The following NSMCE2 variants were observed in gnomAD, a reference collection of about 807,000 sequenced individuals.
NSMCE2 encodes the protein E3 SUMO-protein ligase NSE2.
Under a neutral mutation model 23.8 loss-of-function variants are expected in NSMCE2, and 24 were observed. The observed-to-expected ratio is 1.01, with a 90% CI of 0.73 to 1.42. The LOEUF (loss-of-function observed/expected upper bound fraction) is 1.42, where lower values mean the gene tolerates loss of function less well. NSMCE2 is among the 40% of genes most tolerant of loss of function. NSMCE2 has a pLI of 0.00. For synonymous variants in NSMCE2, 92 were observed against 94.1 expected, an observed-to-expected ratio of 0.98 and a Z score of 0.13; for missense variants, 284 against 296.5, an observed-to-expected ratio of 0.96 and a Z score of 0.31.
chr8:125,182,298 A>G, intron 5 of NSMCE2, 42 bp downstream of exon 5: 1 of 1,507,832 alleles, frequency 6.6e-7, no homozygotes, highest in Non-Finnish European at 9.1e-7. Flanking sequence ...TTTTGAAATT[A>G]GGGAACTGAC....
chr8:125,110,729 C>T (rs189368393), intron 3 of NSMCE2, among the ~76,000 whole-genome samples: 198 of 143,478 alleles, frequency 1.4e-3, no homozygotes, highest in Non-Finnish European at 2.1e-3. Flanking sequence ...TGACATTTAG[C>T]GACGTTTTGC....
At chr8:125,115,959 G>C (rs1236052628) in intron 3 of NSMCE2, among the ~76,000 whole-genome samples, 2 of 152,120 alleles carry the variant, frequency 1.3e-5, no homozygotes, top group Admixed American at 1.3e-4. Context: ...GGGAAATTAG[G>C]CTCATTGAAT....
At chr8:125,186,952 A>G (rs1455223155) in intron 5 of NSMCE2, among the ~76,000 whole-genome samples, 1 of 152,240 alleles carries the variant, frequency 6.6e-6, no homozygotes, top group African/African-American at 2.4e-5. Context: ...TAGATATAAC[A>G]TCTTTGAACA....
At chr8:125,106,979 G>A (rs1818493426) in intron 3 of NSMCE2, among the ~76,000 whole-genome samples, 1 of 151,554 alleles carries the variant, frequency 6.6e-6, no homozygotes, top group South Asian at 2.1e-4. Flanking sequence ...CTAAGTGAAA[G>A]GGCAAAATTC....
At chr8:125,209,905 C>G (rs1042882246) in intron 5 of NSMCE2, among the ~76,000 whole-genome samples, 1 of 152,182 alleles carries the variant, frequency 6.6e-6, no homozygotes, top group African/African-American at 2.4e-5. Flanking sequence ...ACAGAGTGAT[C>G]ATAAGTTGAA....
intron 5 of NSMCE2, among the ~76,000 whole-genome samples, chr8:125,200,451 A>AT (rs1166032644): frequency 6.6e-6 from 1 of 152,210 alleles, no homozygotes; most frequent in Non-Finnish European, 1.5e-5. Flanking sequence ...TTGGCTGGAT[A>AT]TGAGATTCTG....
At chr8:125,316,608 C>T (rs13259646) in intron 5 of NSMCE2, among the ~76,000 whole-genome samples, 66,623 of 149,250 alleles carry the variant, frequency 0.45, 17,373 homozygotes, top group Middle Eastern at 0.56. Context: ...TTCCTTCTTT[C>T]CTTTCTTTAT....
chr8:125,354,678 G>T (rs1201241022), intron 5 of NSMCE2, among the ~76,000 whole-genome samples: 1 of 152,136 alleles, frequency 6.6e-6, no homozygotes, highest in Non-Finnish European at 1.5e-5. Context: ...CTGGTTTAGG[G>T]GACAGCAAGC....
At chr8:125,151,107 G>A (rs1586520652) in intron 3 of NSMCE2, 64 bp from the exon 4 acceptor site, 2 of 800,068 alleles carry the variant, frequency 2.5e-6, no homozygotes, top group Non-Finnish European at 4.3e-6. Context: ...TTGTATTGAT[G>A]CAACTTTTTC....
At chr8:125,240,817 AG>A (rs898297347) in intron 5 of NSMCE2, among the ~76,000 whole-genome samples, 8 of 152,166 alleles carry the variant, frequency 5.3e-5, no homozygotes, top group African/African-American at 1.9e-4. Context: ...GGTTTTTGAC[AG>A]CCTGAAAATC....
chr8:125,131,955 A>G (rs1030559650), intron 3 of NSMCE2, among the ~76,000 whole-genome samples: 7 of 152,238 alleles, frequency 4.6e-5, no homozygotes, highest in African/African-American at 1.7e-4. Flanking sequence ...TCCAGAGTCT[A>G]TGTTAACAAC....
intron 5 of NSMCE2, among the ~76,000 whole-genome samples, chr8:125,306,939 T>G (rs1828788276): frequency 6.6e-6 from 1 of 152,364 alleles, no homozygotes; most frequent in South Asian, 2.1e-4. Flanking sequence ...GTGAAATGCC[T>G]AGAACTGTAC....
chr8:125,177,208 G>A (rs1338256651), intron 4 of NSMCE2, among the ~76,000 whole-genome samples: 3 of 152,168 alleles, frequency 2.0e-5, no homozygotes, highest in Non-Finnish European at 4.4e-5. Context: ...CACAGGCTTG[G>A]TTTAGTTAAG....
At chr8:125,191,137 A>G (rs6470342) in intron 5 of NSMCE2, among the ~76,000 whole-genome samples, 55,637 of 151,960 alleles carry the variant, frequency 0.37, 13,727 homozygotes, top group African/African-American at 0.7. Context: ...CTCCCAAAGC[A>G]CTGGGATTAC....
chr8:125,267,680 G>T (rs1826986038), intron 5 of NSMCE2, among the ~76,000 whole-genome samples: 1 of 152,164 alleles, frequency 6.6e-6, no homozygotes, highest in South Asian at 2.1e-4. Context: ...AGAGCCTGCG[G>T]TTGGGAGGAT....
intron 7 of NSMCE2, among the ~76,000 whole-genome samples, chr8:125,362,726 A>G (rs1052085663): frequency 1.3e-5 from 2 of 152,204 alleles, no homozygotes; most frequent in African/African-American, 4.8e-5. Context: ...TAGGCCATCC[A>G]GCTCCCCTTG....
At chr8:125,328,580 G>T (rs1829762057) in intron 5 of NSMCE2, among the ~76,000 whole-genome samples, 1 of 152,194 alleles carries the variant, frequency 6.6e-6, no homozygotes, top group Admixed American at 6.5e-5. Context: ...TCTCTCATGA[G>T]AGCCCAACTC....
chr8:125,303,536 T>C (rs1343815880), intron 5 of NSMCE2, among the ~76,000 whole-genome samples: 4 of 152,162 alleles, frequency 2.6e-5, no homozygotes, highest in African/African-American at 9.7e-5. Flanking sequence ...CGAAGTATAA[T>C]ACTGGGTGCC....
intron 5 of NSMCE2, among the ~76,000 whole-genome samples, chr8:125,337,960 T>C (rs1224835811): frequency 2.0e-5 from 3 of 152,004 alleles, no homozygotes; most frequent in African/African-American, 4.8e-5. Context: ...GAGTCATTTT[T>C]CTGCTTCTTT....
Sources: gnomAD v4.1 joint callset for allele counts (sites outside exome capture counted in the v4.1 genomes callset) on GRCh38, gnomAD v4.1.1 for gene constraint, MANE v1.5 for transcripts, NCBI Gene and HGNC (gene_info 2026-07-23, HGNC 2026-07-21) for gene names.